PCDH15: variants seen among roughly 807,000 people sequenced by gnomAD.
PCDH15 encodes protocadherin related 15.
A neutral mutation model predicts 178.5 loss-of-function variants in PCDH15; 129 were observed. The ratio of observed to expected loss-of-function variants is 0.72; its 90% CI spans 0.63 to 0.84. The LOEUF (loss-of-function observed/expected upper bound fraction) is 0.84. PCDH15 is among the 40% of genes least tolerant of loss of function. PCDH15 has a pLI of 0.00. For missense variants in PCDH15, 2,230 were observed against 2,099.9 expected, an observed-to-expected ratio of 1.06 and a Z score of -1.21; for synonymous variants, 800 against 732.0, an observed-to-expected ratio of 1.09 and a Z score of -1.50.
At chr10:54,544,931 A>G (rs11004372) in intron 2 of PCDH15, among the ~76,000 whole-genome samples, 47,597 of 151,996 alleles carry the variant, frequency 0.31, 7,979 homozygotes, top group Middle Eastern at 0.43. Flanking sequence ...GTCTATCATC[A>G]GGAGGTTGGG....
At chr10:55,168,954 T>C (rs909388014) in intron 1 of PCDH15, among the ~76,000 whole-genome samples, 6 of 152,134 alleles carry the variant, frequency 3.9e-5, no homozygotes, top group African/African-American at 1.4e-4. Flanking sequence ...TAATTTATGT[T>C]TATAAAGATT....
intron 2 of PCDH15, among the ~76,000 whole-genome samples, chr10:55,454,974 T>C (rs1299467381): frequency 6.6e-6 from 1 of 152,052 alleles, no homozygotes; most frequent in Admixed American, 6.6e-5. Flanking sequence ...TACACATGTA[T>C]ACAATGTATA....
At chr10:54,602,342 G>A (rs942005188) in intron 2 of PCDH15, among the ~76,000 whole-genome samples, 15 of 151,634 alleles carry the variant, frequency 9.9e-5, no homozygotes, top group African/African-American at 3.6e-4. Context: ...TTTATTTAGA[G>A]CAACTTTACT....
chr10:53,912,669 C>A (rs934510369), intron 25 of PCDH15, among the ~76,000 whole-genome samples: 1 of 152,110 alleles, frequency 6.6e-6, no homozygotes, highest in Non-Finnish European at 1.5e-5. Context: ...AGACCCAAAT[C>A]ATGAGTGAAC....
At chr10:54,161,545 C>A (rs11004106) in intron 13 of PCDH15, among the ~76,000 whole-genome samples, 33,274 of 151,772 alleles carry the variant, frequency 0.22, 5,018 homozygotes, top group East Asian at 0.87. Flanking sequence ...TTTCATGGAA[C>A]TGATGTTTAC....
intron 1 of PCDH15, among the ~76,000 whole-genome samples, chr10:54,793,174 G>C (rs1299019063): frequency 6.6e-6 from 1 of 151,900 alleles, no homozygotes; most frequent in Non-Finnish European, 1.5e-5. Context: ...AAACTGTGTT[G>C]CAAGTCTAGG....
intron 8 of PCDH15, among the ~76,000 whole-genome samples, chr10:54,303,146 C>T (rs936892655): frequency 6.6e-6 from 1 of 152,144 alleles, no homozygotes; most frequent in African/African-American, 2.4e-5. Flanking sequence ...CTGAGAGGAA[C>T]TTCCACCACC....
In PCDH15 at chr10:54,966,253, T is replaced by A. The variant is rs893825130; in HGVS notation, c.-79-68753A>T. On this transcript the variant is annotated intron_variant, in intron 2 of 5. Transcript: ENST00000458638. ...AAAGATAGCAGCAAGGTAAAAAAAA[T>A]CTGGAAAGAATAGCTAGTTTCTGTT... Among the ~76,000 whole-genome samples the A allele has an allele frequency of 2.0e-5, 3 of 152,026 alleles. No homozygotes were observed. In the East Asian group the frequency reaches 5.8e-4, roughly 29 times the overall value.
chr10:54,005,519 A>G (rs2092353660), intron 20 of PCDH15, among the ~76,000 whole-genome samples: 1 of 152,152 alleles, frequency 6.6e-6, no homozygotes, highest in Non-Finnish European at 1.5e-5. Context: ...AAATTTCTCA[A>G]AAGAAGACAT....
At chr10:54,520,593 G>A (rs531730512) in intron 3 of PCDH15, among the ~76,000 whole-genome samples, 61 of 152,134 alleles carry the variant, frequency 4.0e-4, no homozygotes, top group African/African-American at 8.4e-4. Context: ...TGGAGAAACA[G>A]GAACACTTTT....
intron 2 of PCDH15, among the ~76,000 whole-genome samples, chr10:55,128,389 CA>C (rs1462540813): frequency 6.6e-6 from 1 of 152,002 alleles, no homozygotes; most frequent in Non-Finnish European, 1.5e-5. Flanking sequence ...TGAAAATAGC[CA>C]TAATTAACAG....
At chr10:54,981,436 A>G (rs978863443) in intron 2 of PCDH15, among the ~76,000 whole-genome samples, 4 of 152,118 alleles carry the variant, frequency 2.6e-5, no homozygotes, top group Non-Finnish European at 5.9e-5. Context: ...ATTATTGGCT[A>G]TTTTTGTATC....
chr10:55,513,270 G>A (rs544758088), intron 2 of PCDH15: 2 of 152,170 alleles, frequency 1.3e-5, no homozygotes, highest in Admixed American at 6.6e-5. Context: ...TATGTAGTGT[G>A]TCCCTGCCTC....
rs144675335 is a variant in PCDH15, at chr10:54,288,203, T to C, written c.876+29068A>G. Among the ~76,000 whole-genome samples, 630 of 152,132 alleles carry C rather than the reference T, an allele frequency of 4.1e-3. 8 individuals are homozygous for C. Among genetic ancestry groups the C allele is most frequent in the African/African-American group, 0.012 (517 of 41,506 alleles). On this transcript the variant is annotated intron_variant, in intron 8 of 37. Coordinates refer to ENST00000644397, the MANE Select transcript of PCDH15 (RefSeq NM_001384140.1). ...CAGGCATGGTGGAGTGTCTGTAGTC[T>C]CAGCTACTTGGGAGGCTGAGGCAGG... is the stretch of plus-strand genomic sequence containing the variant.
At chr10:54,388,680 C>CT (rs1242957483) in intron 3 of PCDH15, among the ~76,000 whole-genome samples, 2 of 152,150 alleles carry the variant, frequency 1.3e-5, no homozygotes, top group Non-Finnish European at 2.9e-5. Flanking sequence ...GAGCTCTTTG[C>CT]TATGATCCTT....
intron 1 of PCDH15, among the ~76,000 whole-genome samples, chr10:54,762,496 C>G (rs1461059530): frequency 6.6e-6 from 1 of 152,058 alleles, no homozygotes; most frequent in African/African-American, 2.4e-5. Context: ...ATGAATCATT[C>G]AGTAAAACCA....
chr10:54,942,569 C>T (rs1329400571), intron 2 of PCDH15, among the ~76,000 whole-genome samples: 1 of 151,900 alleles, frequency 6.6e-6, no homozygotes, highest in Non-Finnish European at 1.5e-5. Flanking sequence ...AAGGTAGTAG[C>T]TATGCCTTAG....
At chr10:54,632,189 C>A (rs1384192971) in intron 2 of PCDH15, among the ~76,000 whole-genome samples, 3 of 152,022 alleles carry the variant, frequency 2.0e-5, no homozygotes, top group Non-Finnish European at 4.4e-5. Flanking sequence ...AAGAGAAAAA[C>A]CAAATACTAC....
chr10:54,581,729 T>C (rs12778727), intron 2 of PCDH15, among the ~76,000 whole-genome samples: 28,458 of 151,946 alleles, frequency 0.19, 2,715 homozygotes, highest in African/African-American at 0.22. Context: ...AACAGACACA[T>C]AGACGTATGG....
Sources: allele counts gnomAD v4.1 joint callset (sites outside exome capture counted in the v4.1 genomes callset), GRCh38; gene constraint gnomAD v4.1.1; transcripts MANE v1.5; gene names NCBI Gene and HGNC (gene_info 2026-07-23, HGNC 2026-07-21).